Variants in RPL31 observed in about 807,000 individuals in gnomAD.
The protein encoded by RPL31 is ribosomal protein L31, also known as large ribosomal subunit protein eL31.
For synonymous variants in RPL31, 51 were observed against 55.0 expected (o/e 0.93, Z 0.32); for missense variants, 95 against 164.0 (o/e 0.58, Z 2.30).
downstream of RPL31, chr2:101,011,630 A>C (rs957559705): frequency 3.0e-6 from 4 of 1,352,684 alleles, no homozygotes; most frequent in African/African-American, 4.3e-5. Context: ...CTAAAGGCTA[A>C]GCCAGCAGCT....
At chr2:101,018,095 C>T (rs971396880) in intron 4 of RPL31, 1 of 622,518 alleles carries the variant, frequency 1.6e-6, no homozygotes, top group Non-Finnish European at 2.7e-6. Context: ...GATTTTGAAT[C>T]CAATCAACAC....
downstream of RPL31, chr2:101,007,866 T>G (rs1460224050): frequency 2.5e-5 from 40 of 1,611,748 alleles, no homozygotes; most frequent in Non-Finnish European, 3.2e-5. Context: ...GGTGGCTCAT[T>G]TCAAAAGTTT....
chr2:101,009,337 C>T (rs1444986839), downstream of RPL31, among the ~76,000 whole-genome samples: 1 of 148,568 alleles, frequency 6.7e-6, no homozygotes, highest in Non-Finnish European at 1.5e-5. Flanking sequence ...ACTTGGGAGG[C>T]GGAGCTTGCA....
downstream of RPL31, among the ~76,000 whole-genome samples, chr2:101,009,338 G>A (rs891234027): frequency 8.6e-5 from 13 of 151,494 alleles, no homozygotes; most frequent in South Asian, 2.1e-4. Context: ...CTTGGGAGGC[G>A]GAGCTTGCAG....
At chr2:101,007,849 T>G (rs750674164), downstream of RPL31, 20 of 1,613,154 alleles carry the variant, frequency 1.2e-5, no homozygotes, top group Non-Finnish European at 1.6e-5. Context: ...AAGTTCAGAT[T>G]GTGATTGGTG....
At chr2:101,018,985 A>ATTTCTGTGCTAG (rs761982045) in intron 4 of RPL31, 1 of 1,611,206 alleles carries the variant, frequency 6.2e-7, no homozygotes, top group Non-Finnish European at 8.5e-7. Context: ...CATCTGTAAT[A>ATTTCTGTGCTAG]TTTCTGTGCT....
At chr2:101,011,807 C>T (rs567957630), downstream of RPL31, among the ~76,000 whole-genome samples, 5 of 152,312 alleles carry the variant, frequency 3.3e-5, no homozygotes, top group South Asian at 1.0e-3. Context: ...TAGAAGGACA[C>T]TGCTAATACT....
chr2:101,006,314 T>C, intron 4 of RPL31, 36 bp from the exon 5 acceptor site: 5 of 1,599,308 alleles, frequency 3.1e-6, no homozygotes, highest in Non-Finnish European at 4.3e-6. Flanking sequence ...TGAAATGTGA[T>C]GTGGGTATGG....
intron 2 of RPL31, among the ~76,000 whole-genome samples, chr2:101,003,906 GA>G (rs1038931867): frequency 3.3e-5 from 5 of 152,092 alleles, no homozygotes; most frequent in Non-Finnish European, 7.4e-5. Flanking sequence ...ACACTGGTGG[GA>G]AAAAAGGATT....
At chr2:101,004,618 G>A (rs1558958131) in intron 3 of RPL31, 1 of 341,936 alleles carries the variant, frequency 2.9e-6, no homozygotes, top group Non-Finnish European at 5.3e-6. Context: ...GGAGGGGTGA[G>A]GGTCGCTCTA....
chr2:101,017,502 T>G (rs1291441818), intron 4 of RPL31, among the ~76,000 whole-genome samples: 1 of 152,166 alleles, frequency 6.6e-6, no homozygotes, highest in Non-Finnish European at 1.5e-5. Flanking sequence ...AATTTTTCAG[T>G]CTCGCTGTAA....
intron 2 of RPL31, among the ~76,000 whole-genome samples, chr2:101,003,603 C>G (rs1678619465): frequency 6.6e-6 from 1 of 152,182 alleles, no homozygotes; most frequent in Admixed American, 6.5e-5. Context: ...GCTGTTATTT[C>G]TAGTACCGTT....
At chr2:101,010,007 T>C (rs910508606), downstream of RPL31, among the ~76,000 whole-genome samples, 33 of 151,922 alleles carry the variant, frequency 2.2e-4, no homozygotes, top group African/African-American at 7.5e-4. Flanking sequence ...TTTGTATTTT[T>C]AGTAGAGACG....
chr2:101,008,690 CA>C (rs1678938613), downstream of RPL31, among the ~76,000 whole-genome samples: 1 of 151,992 alleles, frequency 6.6e-6, no homozygotes. Context: ...CCCATGCCTG[CA>C]ATCCCAGCTA....
intron 4 of RPL31, among the ~76,000 whole-genome samples, chr2:101,012,538 G>A (rs1679296293): frequency 1.3e-5 from 2 of 152,006 alleles, no homozygotes; most frequent in African/African-American, 2.4e-5. Flanking sequence ...TACACTGGTA[G>A]TGAGAGCTAA....
At chr2:101,011,918 G>T (rs767930542), downstream of RPL31, among the ~76,000 whole-genome samples, 12 of 152,182 alleles carry the variant, frequency 7.9e-5, no homozygotes, top group Non-Finnish European at 1.8e-4. Context: ...AAATCTCTGG[G>T]TGGTGGAGTA....
In RPL31 at chr2:101,006,390, C is replaced by T. The variant is rs200360371; in HGVS notation, c.*9C>T. On this transcript the variant is annotated 3_prime_UTR_variant, in exon 5 of 5. Coordinates refer to ENST00000264258, the MANE Select transcript of RPL31 (RefSeq NM_000993.5). ...ATGTGGATGAGAACTAATCGCTGAT[C>T]GTCAGATCAAATAAAGTTATAAAAT... The T allele has an allele frequency of 2.2e-4, 348 of 1,607,930 alleles. No individual in the cohort carries two copies. The highest frequency in any genetic ancestry group is 3.4e-4 in the Admixed American group (20 of 58,168).
intron 4 of RPL31, among the ~76,000 whole-genome samples, chr2:101,016,976 A>G (rs1679695872): frequency 2.6e-5 from 4 of 152,064 alleles, no homozygotes; most frequent in Non-Finnish European, 5.9e-5. Flanking sequence ...CCTAATGCTA[A>G]ATGACGAGTT....
At chr2:101,017,911 C>T (rs1054748125) in intron 4 of RPL31, 114 of 1,550,596 alleles carry the variant, frequency 7.4e-5, no homozygotes, top group Non-Finnish European at 9.9e-5. Flanking sequence ...AGTGAGAAAC[C>T]GAACAAGAAG....
Sources: gnomAD v4.1 joint callset for allele counts (sites outside exome capture counted in the v4.1 genomes callset) on GRCh38, gnomAD v4.1.1 for gene constraint, MANE v1.5 for transcripts, NCBI Gene and HGNC (gene_info 2026-07-23, HGNC 2026-07-21) for gene names.